FGD4: variants seen among roughly 807,000 people sequenced by gnomAD.
FGD4 encodes FYVE, RhoGEF and PH domain containing 4, also known as FYVE, RhoGEF and PH domain-containing protein 4.
FGD4 carries 42 observed loss-of-function variants against 102.0 expected under a neutral mutation model. That is an observed-to-expected ratio of 0.41 (90% confidence interval 0.32 to 0.53). The LOEUF is 0.53. Among genes scored for constraint, FGD4 ranks in the 20% least tolerant of loss-of-function variants. The probability of loss-of-function intolerance (pLI) is 0.21; values close to 1 mark genes in which losing one functional copy is unlikely to be tolerated. For synonymous variants in FGD4, 380 were observed against 375.7 expected, an observed-to-expected ratio of 1.01 and a Z score of -0.13; for missense variants, 902 against 1,078.2, an observed-to-expected ratio of 0.84 and a Z score of 2.29.
At chr12:32,559,335 G>A (rs183974637) in intron 1 of FGD4, among the ~76,000 whole-genome samples, 12 of 152,042 alleles carry the variant, frequency 7.9e-5, no homozygotes, top group African/African-American at 2.9e-4. Flanking sequence ...CTATACCAGT[G>A]GTCCGTACAT....
Position 32,506,469 on chromosome 12 carries a change from C to T in FGD4, c.167-57668C>T, listed in dbSNP as rs1326976949. ...GTGGGGGAGGGAGGAGCCTGAGGAA[C>T]GACTATGGTCCACTCTAGGACATAT... is the stretch of plus-strand genomic sequence containing the variant. On this transcript the variant is annotated intron_variant, in intron 1 of 16. Transcript: ENST00000534526. The surrounding 1 kb of genome is among the most constrained non-coding windows in gnomAD (Gnocchi z 4.5). 2.6e-5 allele frequency among the ~76,000 whole-genome samples: 4 copies of T among 152,122 alleles called. No individual in the cohort carries two copies. The highest frequency in any genetic ancestry group is 9.7e-5 in the African/African-American group (4 of 41,418).
chr12:32,568,959 G>A (rs1429794393), intron 2 of FGD4, among the ~76,000 whole-genome samples: 1 of 152,060 alleles, frequency 6.6e-6, no homozygotes, highest in East Asian at 1.9e-4. Flanking sequence ...CTCAAATTTA[G>A]TGTATATGAA....
At chr12:32,542,089 G>T (rs1045112949) in intron 1 of FGD4, among the ~76,000 whole-genome samples, 1 of 152,182 alleles carries the variant, frequency 6.6e-6, no homozygotes, top group African/African-American at 2.4e-5. Context: ...TGACTGGCTG[G>T]TCCTGAGGAG....
chr12:32,405,093 C>T (rs1346660557), intron 1 of FGD4, among the ~76,000 whole-genome samples: 1 of 151,542 alleles, frequency 6.6e-6, no homozygotes. Context: ...GCCACCACAC[C>T]CGGCTAATTT....
intron 12 of FGD4, 33 bp downstream of exon 12, chr12:32,624,485 T>TC (rs1204788138): frequency 2.6e-6 from 4 of 1,562,368 alleles, no homozygotes; most frequent in Admixed American, 1.8e-5. Context: ...TTTCTTTCTT[T>TC]TTTTTTTTGA....
At chr12:32,472,576 C>G (rs1026966446) in intron 1 of FGD4, among the ~76,000 whole-genome samples, 3 of 152,232 alleles carry the variant, frequency 2.0e-5, no homozygotes, top group Admixed American at 1.3e-4. Flanking sequence ...GCCTCCCACC[C>G]ACTCCATGGG....
chr12:32,455,393 AAATACCAGGAT>A (rs1565750526), intron 1 of FGD4, among the ~76,000 whole-genome samples: 1 of 152,234 alleles, frequency 6.6e-6, no homozygotes, highest in East Asian at 1.9e-4. Flanking sequence ...GTTTATTTTA[AAATACCAGGAT>A]AATTGTATTT....
intron 3 of FGD4, among the ~76,000 whole-genome samples, chr12:32,576,699 G>A (rs141780403): frequency 2.7e-4 from 41 of 152,228 alleles, no homozygotes; most frequent in African/African-American, 8.9e-4. Flanking sequence ...GTGTGCTTTG[G>A]TATCTGTGTG....
intron 4 of FGD4, chr12:32,582,755 A>G (rs1448522807): frequency 2.4e-6 from 1 of 421,676 alleles, no homozygotes; most frequent in Non-Finnish European, 4.3e-6. Flanking sequence ...GTTTTTACAT[A>G]GAAAGAAAAT....
chr12:32,400,031 C>T, intron 1 of FGD4, 72 bp downstream of exon 1: 3 of 1,399,706 alleles, frequency 2.1e-6, no homozygotes. Context: ...TCCCAGCGCC[C>T]TGCAGGTGCG....
intron 1 of FGD4, among the ~76,000 whole-genome samples, chr12:32,477,089 A>T (rs752172643): frequency 3.9e-5 from 6 of 152,192 alleles, no homozygotes; most frequent in Non-Finnish European, 8.8e-5. Context: ...GGAGTTCAGG[A>T]CCATCCTGGC....
intron 1 of FGD4, among the ~76,000 whole-genome samples, chr12:32,479,189 T>C (rs1215382103): frequency 6.6e-6 from 1 of 152,182 alleles, no homozygotes; most frequent in Non-Finnish European, 1.5e-5. Context: ...TGAATGTAGT[T>C]TTCTGAAGGC....
chr12:32,448,026 A>G (rs796896964), intron 1 of FGD4, among the ~76,000 whole-genome samples: 7 of 152,344 alleles, frequency 4.6e-5, no homozygotes, highest in African/African-American at 1.7e-4. Context: ...ACAGAAGGAA[A>G]GAACATTGGT....
At position 32,475,407 on chromosome 12, in the gene FGD4, G is replaced by A. The variant is rs532757515; in HGVS notation, c.166+75448G>A. Among the ~76,000 whole-genome samples, 4 of 152,244 alleles carry A rather than the reference G, an allele frequency of 2.6e-5. No homozygotes were observed. In the East Asian group the frequency reaches 5.8e-4, roughly 22 times the overall value. ...AGATAGGGCTTTCTTTACCTTGGAT[G>A]CCTTTGTATCAGACTGTCATGTGAA... On this transcript the variant is annotated intron_variant, in intron 1 of 16. Transcript: ENST00000534526.
At chr12:32,603,251 C>T (rs1235055703) in intron 7 of FGD4, among the ~76,000 whole-genome samples, 1 of 152,172 alleles carries the variant, frequency 6.6e-6, no homozygotes, top group Non-Finnish European at 1.5e-5. Flanking sequence ...AAGTTTCTTT[C>T]AGCATACATG....
intron 1 of FGD4, among the ~76,000 whole-genome samples, chr12:32,431,599 A>G (rs538813114): frequency 6.6e-6 from 1 of 152,132 alleles, no homozygotes; most frequent in South Asian, 2.1e-4. Flanking sequence ...ACCTGTCCCC[A>G]ACAAATACAT....
intron 7 of FGD4, among the ~76,000 whole-genome samples, chr12:32,604,935 G>GTTTT (rs1565897132): frequency 1.3e-5 from 1 of 74,940 alleles, no homozygotes; most frequent in African/African-American, 8.4e-5. Context: ...CTTTATAGCT[G>GTTTT]CTTTTTTTTT....
intron 1 of FGD4, among the ~76,000 whole-genome samples, chr12:32,468,942 C>T (rs1364734953): frequency 1.3e-5 from 2 of 152,054 alleles, no homozygotes; most frequent in Non-Finnish European, 2.9e-5. Context: ...TTTCCTGCCT[C>T]AGCCTCCCGA....
intron 1 of FGD4, among the ~76,000 whole-genome samples, chr12:32,521,800 G>A (rs1421955665): frequency 6.6e-6 from 1 of 152,156 alleles, no homozygotes; most frequent in African/African-American, 2.4e-5. Flanking sequence ...AGAGGATGAA[G>A]ATAAGCCATA....
Sources: allele counts gnomAD v4.1 joint callset (sites outside exome capture counted in the v4.1 genomes callset), GRCh38; gene constraint gnomAD v4.1.1; non-coding constraint Gnocchi (gnomAD v3.1); transcripts MANE v1.5; gene names NCBI Gene and HGNC (gene_info 2026-07-23, HGNC 2026-07-21).